The following CDH26 variants were observed in gnomAD, a reference collection of about 807,000 sequenced individuals.
The protein encoded by CDH26 is cadherin 26, also known as cadherin-like protein 26.
CDH26 carries 83 observed loss-of-function variants against 90.3 expected under a neutral mutation model. That is an observed-to-expected ratio of 0.92 (90% CI 0.77 to 1.10). The LOEUF is 1.10. CDH26 is among the 50% of genes least tolerant of loss of function. The pLI is 0.00. For missense variants in CDH26, 1,013 were observed against 1,037.6 expected, an observed-to-expected ratio of 0.98 and a Z score of 0.33; for synonymous variants, 397 against 396.3, an observed-to-expected ratio of 1.00 and a Z score of -0.02.
chr20:59,977,008 G>A lies in CDH26; in HGVS notation c.393+4885G>A, dbSNP rs570141937. 2.0e-5 allele frequency among the ~76,000 whole-genome samples: 3 copies of A among 152,220 alleles called. No homozygotes were observed. The Middle Eastern group carries it at 0.01, about 518-fold the overall frequency. On this transcript the variant is annotated intron_variant, in intron 4 of 17. Coordinates refer to ENST00000348616, the MANE Select transcript of CDH26 (RefSeq NM_177980.4). ...AAGTGAGGAAGAATCGGCGGAAGGT[G>A]CAGTCTTGATCCCTGACTGGACTTG...
chr20:60,004,225 G>A (rs7263376), intron 16 of CDH26, among the ~76,000 whole-genome samples: 8,420 of 152,248 alleles, frequency 0.055, 539 homozygotes, highest in African/African-American at 0.15. Context: ...GCTTCACTAT[G>A]TGTACACACA....
chr20:59,981,919 A>G (rs1488462700), intron 4 of CDH26, among the ~76,000 whole-genome samples: 1 of 152,054 alleles, frequency 6.6e-6, no homozygotes, highest in Non-Finnish European at 1.5e-5. Flanking sequence ...GAAAGATTTT[A>G]AACTATAAAT....
At chr20:59,988,606 G>A (rs180758748) in intron 8 of CDH26, among the ~76,000 whole-genome samples, 1 of 152,034 alleles carries the variant, frequency 6.6e-6, no homozygotes, top group East Asian at 1.9e-4. Context: ...TTGCTGCATG[G>A]TTGTCTCATT....
intron 13 of CDH26, among the ~76,000 whole-genome samples, chr20:59,997,069 T>C (rs2061607511): frequency 6.6e-6 from 1 of 152,252 alleles, no homozygotes. Flanking sequence ...TCAGAGATGC[T>C]GCTAAACAGC....
intron 17 of CDH26, among the ~76,000 whole-genome samples, chr20:60,011,014 G>A (rs989601791): frequency 6.6e-6 from 1 of 152,246 alleles, no homozygotes; most frequent in Non-Finnish European, 1.5e-5. Context: ...ATCTAGCAGA[G>A]AGGCAGGAAA....
intron 16 of CDH26, 120 bp downstream of exon 16, chr20:60,002,986 C>A: frequency 3.3e-6 from 2 of 611,090 alleles, no homozygotes; most frequent in Non-Finnish European, 2.6e-6. Flanking sequence ...AAAATATGCC[C>A]AACATCCAAG....
At chr20:60,016,486 T>G (rs1372567234), downstream of CDH26, among the ~76,000 whole-genome samples, 3 of 152,186 alleles carry the variant, frequency 2.0e-5, no homozygotes, top group Non-Finnish European at 2.9e-5. Flanking sequence ...TTTGCTGAAT[T>G]TATTTATCAG....
chr20:59,965,980 C>A (rs948728961), intron 1 of CDH26, among the ~76,000 whole-genome samples: 1 of 152,072 alleles, frequency 6.6e-6, no homozygotes, highest in African/African-American at 2.4e-5. Context: ...TAAAAAGAAA[C>A]TATTGCTATT....
chr20:60,021,867 C>CACACACACACCCACACAT (rs2061956453), intron 7 of CDH26, among the ~76,000 whole-genome samples: 1 of 90,406 alleles, frequency 1.1e-5, no homozygotes, highest in Non-Finnish European at 2.5e-5. Context: ...CACACACACA[C>CACACACACACCCACACAT]ACACACACAC....
Position 60,005,483 on chromosome 20 carries a change from T to TGTATGTATGTAA in CDH26, c.2221-1219_2221-1218insAGTATGTATGTA, listed in dbSNP as rs1209474032. Among the ~76,000 whole-genome samples, 294 of 140,534 alleles carry TGTATGTATGTAA rather than the reference T, an allele frequency of 2.1e-3. 2 individuals carry two copies. Among genetic ancestry groups the TGTATGTATGTAA allele is most frequent in the African/African-American group, 7.5e-3 (280 of 37,322 alleles). The allele number at this position is 140,534 out of a possible 152,430, so 92.2% of individuals were successfully genotyped here. ...ATATGTGCATGTGTATATATCTGTA[T>TGTATGTATGTAA]GTATGTATGTATGTATGTATGTATG... On this transcript the variant is annotated intron_variant, in intron 16 of 17. Coordinates refer to ENST00000348616, the MANE Select transcript of CDH26 (RefSeq NM_177980.4).
At chr20:59,991,460 C>T (rs1242468336) in intron 9 of CDH26, among the ~76,000 whole-genome samples, 1 of 152,108 alleles carries the variant, frequency 6.6e-6, no homozygotes, top group East Asian at 1.9e-4. Context: ...TGCCTTTTGG[C>T]CTGAGATAAT....
exon 9 of CDH26, chr20:60,033,804 T>TGTGTGA (rs1389796277): frequency 8.8e-7 from 1 of 1,142,736 alleles, no homozygotes; most frequent in African/African-American, 1.6e-5. Context: ...TGTGTGTGTG[T>TGTGTGA]GATCATGAAG....
At chr20:60,015,528 C>A (rs747954625), downstream of CDH26, among the ~76,000 whole-genome samples, 2 of 152,144 alleles carry the variant, frequency 1.3e-5, no homozygotes, top group African/African-American at 2.4e-5. Context: ...CAGATAATAA[C>A]CCCTTATTGG....
chr20:60,018,983 A>G (rs2061930645), downstream of CDH26, among the ~76,000 whole-genome samples: 2 of 152,032 alleles, frequency 1.3e-5, no homozygotes, highest in Non-Finnish European at 2.9e-5. Context: ...TTTGCTTGGT[A>G]TAATATTATA....
At chr20:59,964,007 T>C (rs2061113492) in intron 1 of CDH26, among the ~76,000 whole-genome samples, 1 of 152,202 alleles carries the variant, frequency 6.6e-6, no homozygotes, top group Non-Finnish European at 1.5e-5. Context: ...AAAGACTCCT[T>C]TCCTATGGCT....
intron 1 of CDH26, among the ~76,000 whole-genome samples, chr20:59,959,962 T>C (rs1169178847): frequency 6.6e-6 from 1 of 152,156 alleles, no homozygotes; most frequent in Non-Finnish European, 1.5e-5. Context: ...TTTCTGTAGG[T>C]AGGGAGAGGG....
Position 60,013,896 on chromosome 20 carries a change from C to CA in CDH26, c.*1167dup, listed in dbSNP as rs1012350127. The CA allele has an allele frequency of 1.3e-5, 2 of 152,142 alleles. No individual in the cohort carries two copies. Among genetic ancestry groups the CA allele is most frequent in the Admixed American group, 6.5e-5 (1 of 15,270 alleles). 9.4% of individuals were successfully genotyped at this position (152,142 alleles called of 1,614,324 possible). On this transcript the variant is annotated 3_prime_UTR_variant, in exon 18 of 18. Transcript: ENST00000348616. ...GGAAGCTGAAAAAGAAGAAAAATCA[C>CA]ATTTAAAGCACTGGAATGTCTGAAT...
At chr20:60,031,593 T>A (rs950955474) in intron 8 of CDH26, among the ~76,000 whole-genome samples, 8 of 152,250 alleles carry the variant, frequency 5.3e-5, no homozygotes, top group African/African-American at 1.9e-4. Context: ...CTTCACAGAA[T>A]TCTGCTTGTA....
At chr20:59,971,226 G>GGAAA (rs954661128) in intron 3 of CDH26, among the ~76,000 whole-genome samples, 1 of 152,162 alleles carries the variant, frequency 6.6e-6, no homozygotes, top group Non-Finnish European at 1.5e-5. Flanking sequence ...AGTACAGAAA[G>GGAAA]TTTTCAAGTC....
Sources: allele counts gnomAD v4.1 joint callset (sites outside exome capture counted in the v4.1 genomes callset), GRCh38; gene constraint gnomAD v4.1.1; transcripts MANE v1.5; gene names NCBI Gene and HGNC (gene_info 2026-07-23, HGNC 2026-07-21).